The following LRRC1 variants were observed in gnomAD, a reference collection of about 807,000 sequenced individuals.
LRRC1 encodes the protein leucine-rich repeat-containing protein 1.
LRRC1 carries 28 observed loss-of-function variants against 69.9 expected under a neutral mutation model. That is an observed-to-expected ratio of 0.40 (90% CI 0.30 to 0.55). LRRC1 has a LOEUF of 0.55. LRRC1 is among the 20% of genes least tolerant of loss of function. The pLI is 0.47. For synonymous variants in LRRC1, 236 were observed against 240.2 expected (o/e 0.98, Z 0.16); for missense variants, 498 against 609.0 (o/e 0.82, Z 1.92).
At chr6:53,874,997 TTAGCA>T (rs1767018320) in intron 2 of LRRC1, among the ~76,000 whole-genome samples, 1 of 152,354 alleles carries the variant, frequency 6.6e-6, no homozygotes, top group South Asian at 2.1e-4. Context: ...CCATACTATT[TTAGCA>T]ATACAATTGG....
intron 1 of LRRC1, among the ~76,000 whole-genome samples, chr6:53,836,100 G>T (rs1014320094): frequency 2.6e-5 from 4 of 152,188 alleles, no homozygotes; most frequent in Non-Finnish European, 4.4e-5. Flanking sequence ...TCTAGCTTAA[G>T]GGAGGAGGAC....
chr6:53,809,035 A>T (rs1372839743), intron 1 of LRRC1, among the ~76,000 whole-genome samples: 1 of 152,212 alleles, frequency 6.6e-6, no homozygotes, highest in Non-Finnish European at 1.5e-5. Context: ...ATACATACTT[A>T]AAGTCAAAGC....
intron 1 of LRRC1, among the ~76,000 whole-genome samples, chr6:53,822,419 A>G (rs965804135): frequency 1.3e-5 from 2 of 152,238 alleles, no homozygotes; most frequent in Non-Finnish European, 2.9e-5. Context: ...CAATGTTGCT[A>G]TAGACTAACC....
chr6:53,921,107 G>T (rs1197096761), intron 13 of LRRC1, among the ~76,000 whole-genome samples: 1 of 151,812 alleles, frequency 6.6e-6, no homozygotes, highest in Non-Finnish European at 1.5e-5. Flanking sequence ...AGCTGGGACT[G>T]CAGGCACCTG....
At chr6:53,884,252 G>T in intron 4 of LRRC1, 1 of 443,960 alleles carries the variant, frequency 2.3e-6, no homozygotes, top group East Asian at 4.3e-5. Context: ...CACCTGTAAT[G>T]CCAGCCTTTT....
At chr6:53,857,296 AT>A (rs1327056818) in intron 2 of LRRC1, among the ~76,000 whole-genome samples, 6 of 152,142 alleles carry the variant, frequency 3.9e-5, no homozygotes, top group Admixed American at 3.9e-4. Flanking sequence ...CCCTTGTAAG[AT>A]TCTGAGAAGG....
At chr6:53,831,274 T>G (rs1208976301) in intron 1 of LRRC1, among the ~76,000 whole-genome samples, 4 of 152,132 alleles carry the variant, frequency 2.6e-5, no homozygotes, top group African/African-American at 9.7e-5. Flanking sequence ...CATGACTTCT[T>G]TGTAAATGCA....
At chr6:53,872,126 A>G (rs965839559) in intron 2 of LRRC1, among the ~76,000 whole-genome samples, 1 of 152,082 alleles carries the variant, frequency 6.6e-6, no homozygotes, top group Admixed American at 6.6e-5. Flanking sequence ...ATTTTTATAT[A>G]TGGTGAGAGA....
chr6:53,795,650 G>T (rs1209100180), intron 1 of LRRC1, among the ~76,000 whole-genome samples: 1 of 152,144 alleles, frequency 6.6e-6, no homozygotes, highest in African/African-American at 2.4e-5. Context: ...ACTGGGGCTC[G>T]TGCTATTGGA....
chr6:53,911,296 G>A (rs1265134829), intron 10 of LRRC1, among the ~76,000 whole-genome samples: 2 of 152,146 alleles, frequency 1.3e-5, no homozygotes, highest in South Asian at 2.1e-4. Context: ...TTTATTTAGA[G>A]CCTTCTCTGA....
At position 53,904,369 on chromosome 6, in the gene LRRC1, A is replaced by C; in HGVS notation, c.907-10A>C. 5.7e-6 allele frequency: 9 copies of C among 1,573,584 alleles called. No homozygotes were observed. The highest frequency in any genetic ancestry group is 7.8e-6 in the Non-Finnish European group (9 of 1,150,304). ...GTGTTAAATTAATAGTGAAATTGTT[A>C]TTTTAACAGACCCTGCCTAAAAGCA... On this transcript the variant is annotated splice_polypyrimidine_tract_variant and intron_variant, in intron 9 of 13. Coordinates refer to ENST00000370888, the MANE Select transcript of LRRC1 (RefSeq NM_018214.5).
At chr6:53,861,726 AC>A (rs1449865278) in intron 2 of LRRC1, among the ~76,000 whole-genome samples, 1 of 151,810 alleles carries the variant, frequency 6.6e-6, no homozygotes, top group Non-Finnish European at 1.5e-5. Context: ...CTGGCCCTGC[AC>A]CCTCCTCTCA....
chr6:53,876,733 A>G (rs975639537), intron 2 of LRRC1, among the ~76,000 whole-genome samples: 7 of 152,206 alleles, frequency 4.6e-5, no homozygotes, highest in African/African-American at 1.4e-4. Flanking sequence ...CATCCAGGTC[A>G]TGCTGATGTA....
chr6:53,921,091 T>C (rs1419577571), intron 13 of LRRC1, among the ~76,000 whole-genome samples: 7 of 151,940 alleles, frequency 4.6e-5, no homozygotes, highest in Admixed American at 4.6e-4. Flanking sequence ...CCTCAGCCTC[T>C]CAAGTAGCTG....
chr6:53,859,076 TGGC>T (rs1766411902), intron 2 of LRRC1, among the ~76,000 whole-genome samples: 1 of 152,174 alleles, frequency 6.6e-6, no homozygotes, highest in African/African-American at 2.4e-5. Flanking sequence ...GGAAGATTCT[TGGC>T]TAAGAGAGGA....
At position 53,813,423 on chromosome 6, in the gene LRRC1, T is replaced by C. The variant is rs1764854643; in HGVS notation, c.159+18008T>C. Reference sequence around the variant, plus strand: ...AAATTGTAGGATAGGGTGGGCTAGTTATAGACAAACCTGTGCAAACCAGAG... The same window carrying C: ...AAATTGTAGGATAGGGTGGGCTAGTCATAGACAAACCTGTGCAAACCAGAG... On this transcript the variant is annotated intron_variant, in intron 1 of 13. Transcript: ENST00000370888. 2.0e-5 allele frequency among the ~76,000 whole-genome samples: 3 copies of C among 151,694 alleles called. No homozygotes were observed. In the South Asian group the frequency reaches 6.2e-4, roughly 32 times the overall value.
intron 1 of LRRC1, among the ~76,000 whole-genome samples, chr6:53,827,295 G>A (rs1048185368): frequency 9.5e-5 from 10 of 105,388 alleles, no homozygotes; most frequent in South Asian, 3.1e-4. Flanking sequence ...AAATGAAATC[G>A]AATAAACACT....
chr6:53,890,052 C>T (rs578067106), intron 4 of LRRC1, among the ~76,000 whole-genome samples: 4 of 152,262 alleles, frequency 2.6e-5, no homozygotes, highest in African/African-American at 4.8e-5. Flanking sequence ...AAAACTCCAG[C>T]GGCAACTGAT....
intron 1 of LRRC1, among the ~76,000 whole-genome samples, chr6:53,826,998 G>C (rs1765285503): frequency 6.6e-6 from 1 of 152,146 alleles, no homozygotes; most frequent in Non-Finnish European, 1.5e-5. Context: ...TTAGGACCCA[G>C]TGATCTTACC....
Sources: gnomAD v4.1 joint callset for allele counts (sites outside exome capture counted in the v4.1 genomes callset) on GRCh38, gnomAD v4.1.1 for gene constraint, MANE v1.5 for transcripts, NCBI Gene and HGNC (gene_info 2026-07-23, HGNC 2026-07-21) for gene names.